Variants in MGAT5 observed in about 807,000 individuals in gnomAD.
MGAT5 encodes alpha-1,6-mannosylglycoprotein 6-beta-N-acetylglucosaminyltransferase.
Under a neutral mutation model 94.3 loss-of-function variants are expected in MGAT5, and 30 were observed. That is an observed-to-expected ratio of 0.32 (90% CI 0.24 to 0.43). MGAT5 has a LOEUF of 0.43. Ranked by LOEUF, MGAT5 falls within the 20% of genes least tolerant of loss-of-function variation. MGAT5 has a pLI of 1.00. For synonymous variants in MGAT5, 310 were observed against 322.9 expected (o/e 0.96, Z 0.43); for missense variants, 691 against 905.5 (o/e 0.76, Z 3.04).
intron 4 of MGAT5, among the ~76,000 whole-genome samples, chr2:134,327,683 G>A (rs1687719276): frequency 6.6e-6 from 1 of 152,100 alleles, no homozygotes; most frequent in South Asian, 2.1e-4. Context: ...TTGACTGTGG[G>A]TAGCTGAAAT....
chr2:134,120,254 G>A (rs892190049), exon 1 of MGAT5: 9 of 383,020 alleles, frequency 2.3e-5, no homozygotes, highest in African/African-American at 1.7e-4. Flanking sequence ...ACGGCGGCCG[G>A]CGGGTGCTCC....
Position 134,289,365 on chromosome 2 carries a change from A to G in MGAT5, c.406+18815A>G, listed in dbSNP as rs147966759. 2.3e-3 allele frequency among the ~76,000 whole-genome samples: 346 copies of G among 152,222 alleles called. 3 individuals are homozygous for G. Among genetic ancestry groups the G allele is most frequent in the African/African-American group, 7.8e-3 (325 of 41,534 alleles). On this transcript the variant is annotated intron_variant, in intron 2 of 15. Coordinates refer to ENST00000281923, the MANE Select transcript of MGAT5 (RefSeq NM_002410.5). Reference sequence around the variant, plus strand: ...TGTGGCCCTTCCTAAGTCCTTGCCAATACTGCCCCTTGGTAGTGGCCCGGG... The same window carrying G: ...TGTGGCCCTTCCTAAGTCCTTGCCAGTACTGCCCCTTGGTAGTGGCCCGGG...
intron 1 of MGAT5, among the ~76,000 whole-genome samples, chr2:134,218,394 A>G (rs1680600643): frequency 1.3e-5 from 2 of 152,180 alleles, no homozygotes; most frequent in African/African-American, 4.8e-5. Flanking sequence ...GTAAGCCTTC[A>G]TTGGTGTTCA....
rs943404092 is a variant in MGAT5, at chr2:134,214,392, G to A, written c.-142-39870G>A. 2.6e-5 allele frequency among the ~76,000 whole-genome samples: 4 copies of A among 152,160 alleles called. No individual in the cohort carries two copies. The South Asian group carries it at 6.2e-4, about 24-fold the overall frequency. On this transcript the variant is annotated intron_variant, in intron 1 of 16. Transcript: ENST00000409645. Reference sequence around the variant, plus strand: ...AGTGTTCAATCTTTTGGCTTCCCTCGACCACATTGGAAGAAGAATTGTCTT... The same window carrying A: ...AGTGTTCAATCTTTTGGCTTCCCTCAACCACATTGGAAGAAGAATTGTCTT...
rs113976943 is a variant in MGAT5, at chr2:134,338,732, G to A, written c.807+312G>A. Among the ~76,000 whole-genome samples the A allele has an allele frequency of 3.0e-3, 458 of 152,210 alleles. 3 individuals are homozygous for A. The highest frequency in any genetic ancestry group is 0.014 in the Middle Eastern group (4 of 294). The stretch of plus-strand genomic sequence containing the variant: ...ATTTCCTTACCTGAATCCAACCTTC[G>A]AGAGCTTCCTATTATATCATCATGA... On this transcript the variant is annotated intron_variant, in intron 6 of 15. Transcript: ENST00000281923.
Position 134,422,839 on chromosome 2 carries a change from G to A in MGAT5, c.1714G>A (p.Gly572Arg), listed in dbSNP as rs752450871. The A allele has an allele frequency of 8.7e-6, 14 of 1,613,720 alleles. No homozygotes were observed. The East Asian group carries it at 8.9e-5, about 10-fold the overall frequency. ...SQHPYAEVFI[G>R]RPHVWTVDLN... is the part of the protein sequence containing the mutation. Reference sequence around the variant, plus strand: ...GCATCCTTACGCTGAAGTTTTCATCGGGCGGCCACATGTGTGGACTGTTGA... The same window carrying A: ...GCATCCTTACGCTGAAGTTTTCATCAGGCGGCCACATGTGTGGACTGTTGA... Residue 572 changes from glycine (G) to arginine (R), a missense_variant, in exon 13 of 16, where the codon GGG (glycine) becomes AGG (arginine). Gly to Arg is a moderately radical substitution (Grantham distance 125). Coordinates refer to ENST00000281923, the MANE Select transcript of MGAT5 (RefSeq NM_002410.5).
intron 1 of MGAT5, among the ~76,000 whole-genome samples, chr2:134,130,033 C>G (rs1278639973): frequency 6.6e-6 from 1 of 152,150 alleles, no homozygotes; most frequent in Non-Finnish European, 1.5e-5. Context: ...GCACTCGGAG[C>G]GGCCGGCTGG....
At chr2:134,331,396 T>C (rs1687963335) in intron 4 of MGAT5, among the ~76,000 whole-genome samples, 1 of 152,144 alleles carries the variant, frequency 6.6e-6, no homozygotes, top group African/African-American at 2.4e-5. Context: ...AAAGATTAGT[T>C]CATGTCAGAG....
chr2:134,232,772 C>T (rs978119947), intron 1 of MGAT5, among the ~76,000 whole-genome samples: 4 of 152,110 alleles, frequency 2.6e-5, no homozygotes, highest in African/African-American at 9.7e-5. Context: ...AACTGGTGCA[C>T]ATTTTCATTT....
intron 10 of MGAT5, among the ~76,000 whole-genome samples, chr2:134,376,597 C>T (rs1354529980): frequency 6.6e-6 from 1 of 152,198 alleles, no homozygotes; most frequent in Non-Finnish European, 1.5e-5. Context: ...CCTCTGTGAC[C>T]TCTAACCCCA....
intron 1 of MGAT5, among the ~76,000 whole-genome samples, chr2:134,197,180 A>G (rs1444898912): frequency 6.6e-6 from 1 of 152,180 alleles, no homozygotes; most frequent in Non-Finnish European, 1.5e-5. Flanking sequence ...GTTGGCAGGT[A>G]TGTATGCCCC....
chr2:134,441,884 C>T lies in MGAT5; in HGVS notation c.1996C>T (p.Gln666Ter). ...SQLICEPSFF[Q>*]HLNKDKDMLK... ...GCTCATCTGCGAGCCTTCTTTCTTC[C>T]AGCACCTCAACAAGGACAAGGACAT... Residue 666 changes from glutamine to a stop codon, truncating the protein, a stop_gained, in exon 15 of 16, where the codon CAG (glutamine) becomes TAG (stop). Coordinates refer to ENST00000281923, the MANE Select transcript of MGAT5 (RefSeq NM_002410.5). LOFTEE classifies it high-confidence loss of function. 3 of 1,614,018 alleles carry T rather than the reference C, an allele frequency of 1.9e-6. No individual in the cohort carries two copies. The highest frequency in any genetic ancestry group is 2.5e-6 in the Non-Finnish European group (3 of 1,180,002).
chr2:134,146,121 T>C (rs1686906022), intron 1 of MGAT5, among the ~76,000 whole-genome samples: 1 of 152,188 alleles, frequency 6.6e-6, no homozygotes, highest in Non-Finnish European at 1.5e-5. Context: ...AAATAACTCA[T>C]TCATTATGAG....
intron 1 of MGAT5, among the ~76,000 whole-genome samples, chr2:134,245,331 G>T (rs1353997578): frequency 6.6e-6 from 1 of 152,156 alleles, no homozygotes; most frequent in Non-Finnish European, 1.5e-5. Context: ...TGGAGTTACC[G>T]CTGTTGCCTT....
At chr2:134,140,353 C>T (rs376498472) in intron 1 of MGAT5, among the ~76,000 whole-genome samples, 57 of 152,286 alleles carry the variant, frequency 3.7e-4, no homozygotes, top group Admixed American at 1.2e-3. Flanking sequence ...CTGCTGTGGG[C>T]GCCACAAGTC....
intron 1 of MGAT5, among the ~76,000 whole-genome samples, chr2:134,146,992 C>T (rs558405810): frequency 4.2e-4 from 64 of 152,046 alleles, no homozygotes; most frequent in African/African-American, 1.3e-3. Context: ...CCTTTCCACT[C>T]GAAGAAAATA....
At position 134,169,542 on chromosome 2, in the gene MGAT5, G is replaced by GA. The variant is rs546571814; in HGVS notation, c.-143+49253dup. On this transcript the variant is annotated intron_variant, in intron 1 of 16. Transcript: ENST00000409645. ...GAAGAAAATTACAGCATAATCCCAAGAAGAAATTGAGGGAGCCAATTAATC... is the reference window on the plus strand; with the variant it reads ...GAAGAAAATTACAGCATAATCCCAAGAAAGAAATTGAGGGAGCCAATTAATC... Among the ~76,000 whole-genome samples, 14 of 152,212 alleles carry GA rather than the reference G, an allele frequency of 9.2e-5. No homozygotes were observed. In the South Asian group the frequency reaches 2.9e-3, roughly 32 times the overall value.
At chr2:134,349,442 G>A (rs569532372) in intron 8 of MGAT5, among the ~76,000 whole-genome samples, 3 of 152,206 alleles carry the variant, frequency 2.0e-5, no homozygotes, top group Non-Finnish European at 4.4e-5. Flanking sequence ...GGCATCAGTT[G>A]ATTAGACACC....
At chr2:134,189,009 C>T (rs543092859) in intron 1 of MGAT5, among the ~76,000 whole-genome samples, 27 of 152,280 alleles carry the variant, frequency 1.8e-4, no homozygotes, top group East Asian at 1.7e-3. Context: ...GGGAGGGTCG[C>T]GAATGCAGAG....
Sources: gnomAD v4.1 joint callset for allele counts (sites outside exome capture counted in the v4.1 genomes callset) on GRCh38, gnomAD v4.1.1 for gene constraint, MANE v1.5 for transcripts, NCBI Gene and HGNC (gene_info 2026-07-23, HGNC 2026-07-21) for gene names.